The following MAN1A2 variants were observed in gnomAD, a reference collection of about 807,000 sequenced individuals.
MAN1A2 encodes mannosidase alpha class 1A member 2, also known as mannosyl-oligosaccharide 1,2-alpha-mannosidase IB.
In MAN1A2, 26 loss-of-function variants were observed where a neutral mutation model predicts 75.7. The observed-to-expected ratio is 0.34, with a 90% CI of 0.25 to 0.48. The LOEUF is 0.48. Ranked by LOEUF, MAN1A2 falls within the 20% of genes least tolerant of loss-of-function variation. MAN1A2 has a pLI of 0.99. For synonymous variants in MAN1A2, 247 were observed against 264.6 expected, an observed-to-expected ratio of 0.93 and a Z score of 0.65; for missense variants, 562 against 775.5, an observed-to-expected ratio of 0.72 and a Z score of 3.27.
chr1:117,398,126 G>C (rs1010599076), intron 1 of MAN1A2, among the ~76,000 whole-genome samples: 40 of 152,074 alleles, frequency 2.6e-4, no homozygotes, highest in African/African-American at 9.4e-4. Flanking sequence ...AATCAGATAG[G>C]GTCTCTGAAC....
At chr1:117,428,708 A>G (rs1002456026) in intron 5 of MAN1A2, among the ~76,000 whole-genome samples, 1 of 151,982 alleles carries the variant, frequency 6.6e-6, no homozygotes, top group Non-Finnish European at 1.5e-5. Flanking sequence ...CAAGTGTAGA[A>G]AGGTTTAAAT....
At chr1:117,442,822 A>G (rs1008443343) in intron 6 of MAN1A2, among the ~76,000 whole-genome samples, 4 of 151,910 alleles carry the variant, frequency 2.6e-5, no homozygotes, top group African/African-American at 9.7e-5. Flanking sequence ...CGGGGTTTTT[A>G]TTATAGCATC....
intron 12 of MAN1A2, among the ~76,000 whole-genome samples, chr1:117,509,980 T>G (rs1183743011): frequency 1.3e-5 from 2 of 151,752 alleles, no homozygotes; most frequent in African/African-American, 4.8e-5. Context: ...TCTCCATATA[T>G]AAGATTATAT....
intron 1 of MAN1A2, among the ~76,000 whole-genome samples, chr1:117,385,283 G>T (rs1223635513): frequency 6.6e-6 from 1 of 152,168 alleles, no homozygotes; most frequent in African/African-American, 2.4e-5. Context: ...CTCTTCACCT[G>T]TGCTGGAGGA....
chr1:117,456,908 T>A (rs1649599083), intron 6 of MAN1A2, among the ~76,000 whole-genome samples: 1 of 152,080 alleles, frequency 6.6e-6, no homozygotes, highest in Non-Finnish European at 1.5e-5. Flanking sequence ...AAACCATTAT[T>A]CCTACAAATG....
chr1:117,515,023 A>G (rs527641266), intron 12 of MAN1A2: 3 of 415,494 alleles, frequency 7.2e-6, no homozygotes, highest in East Asian at 1.2e-4. Flanking sequence ...AGTATATGAA[A>G]TGTATACTCT....
chr1:117,520,728 A>G (rs528615377), intron 12 of MAN1A2, among the ~76,000 whole-genome samples: 1 of 152,204 alleles, frequency 6.6e-6, no homozygotes, highest in South Asian at 2.1e-4. Context: ...GAATATTGTG[A>G]AAATGACCAT....
chr1:117,507,266 A>G (rs1486161918), intron 12 of MAN1A2, among the ~76,000 whole-genome samples: 2 of 151,626 alleles, frequency 1.3e-5, no homozygotes, highest in African/African-American at 4.8e-5. Context: ...GAGAGAATAG[A>G]ATAAAGTCTC....
At chr1:117,374,061 G>C (rs1316945039) in intron 1 of MAN1A2, among the ~76,000 whole-genome samples, 1 of 152,124 alleles carries the variant, frequency 6.6e-6, no homozygotes, top group Admixed American at 6.5e-5. Flanking sequence ...TGTGGGAGGT[G>C]GAGGTGGGAG....
chr1:117,442,391 T>A, intron 6 of MAN1A2, 66 bp downstream of exon 6: 1 of 999,378 alleles, frequency 1.0e-6, no homozygotes, highest in Non-Finnish European at 1.6e-6. Flanking sequence ...TAGAAATTTC[T>A]AATGAGTCAC....
At chr1:117,413,630 AG>A (rs1224822494) in intron 3 of MAN1A2, among the ~76,000 whole-genome samples, 1 of 151,986 alleles carries the variant, frequency 6.6e-6, no homozygotes, top group Non-Finnish European at 1.5e-5. Flanking sequence ...GGGTCTTTAA[AG>A]AAGTTCCTGG....
At chr1:117,466,022 A>C (rs1476021422) in intron 7 of MAN1A2, among the ~76,000 whole-genome samples, 3 of 152,172 alleles carry the variant, frequency 2.0e-5, no homozygotes, top group Non-Finnish European at 1.5e-5. Flanking sequence ...GATGTTTAAA[A>C]TAACTGATGT....
intron 1 of MAN1A2, among the ~76,000 whole-genome samples, chr1:117,385,562 G>C (rs184829235): frequency 6.6e-6 from 1 of 152,118 alleles, no homozygotes; most frequent in East Asian, 1.9e-4. Context: ...AAAGTTTTAT[G>C]TTCTGTATTG....
chr1:117,379,197 A>G (rs955904413), intron 1 of MAN1A2, among the ~76,000 whole-genome samples: 7 of 151,778 alleles, frequency 4.6e-5, no homozygotes, highest in Non-Finnish European at 8.8e-5. Context: ...ATTTTTCCGT[A>G]TGGGTATCTA....
Position 117,517,722 on chromosome 1 carries a change from A to C in MAN1A2, c.1794-5103A>C, listed in dbSNP as rs1042485571. 7.2e-4 allele frequency among the ~76,000 whole-genome samples: 109 copies of C among 152,218 alleles called. 1 individual carries two copies. Among genetic ancestry groups the C allele is most frequent in the African/African-American group, 2.6e-3 (108 of 41,564 alleles). ...AGAACACAAGAAGGTGGACCCCCAA[A>C]AAAACCCTTTTTTTGAAGAAATAAT... On this transcript the variant is annotated intron_variant, in intron 12 of 12. Transcript: ENST00000356554.
At chr1:117,449,786 A>G (rs1570753267) in intron 6 of MAN1A2, among the ~76,000 whole-genome samples, 1 of 152,344 alleles carries the variant, frequency 6.6e-6, no homozygotes, top group East Asian at 1.9e-4. Flanking sequence ...TGGTCTGTGT[A>G]GAAGGTGAAC....
chr1:117,416,923 G>T (rs1279735545), intron 4 of MAN1A2, among the ~76,000 whole-genome samples: 1 of 152,170 alleles, frequency 6.6e-6, no homozygotes, highest in Non-Finnish European at 1.5e-5. Flanking sequence ...TTGTGTGTCT[G>T]TATGTGTGAT....
Position 117,460,603 on chromosome 1 carries a change from C to T in MAN1A2, c.1065C>T (p.Tyr355=). 1 of 1,602,134 alleles carries T rather than the reference C, an allele frequency of 6.2e-7. No individual in the cohort carries two copies. The highest frequency in any genetic ancestry group is 8.5e-7 in the Non-Finnish European group (1 of 1,176,070). The part of the protein sequence containing the change: ...HLSYLTGDLT[Y]YKKVMHIRKL... ...GCTACTTGACAGGGGACCTGACTTACTACAAAAAGGTTTGTTTTCTTGCCT... is the reference window on the plus strand; with the variant it reads ...GCTACTTGACAGGGGACCTGACTTATTACAAAAAGGTTTGTTTTCTTGCCT... The change falls in exon 7 of 13, where the codon TAC becomes TAT. Residue 355 remains tyrosine (Y), a synonymous_variant. Coordinates refer to ENST00000356554, the MANE Select transcript of MAN1A2 (RefSeq NM_006699.5).
At chr1:117,497,978 G>A (rs1038206446) in intron 10 of MAN1A2, among the ~76,000 whole-genome samples, 14 of 151,868 alleles carry the variant, frequency 9.2e-5, no homozygotes, top group African/African-American at 3.1e-4. Context: ...ATTTATGCTA[G>A]TTCATAAATC....
Sources: gnomAD v4.1 joint callset for allele counts (sites outside exome capture counted in the v4.1 genomes callset) on GRCh38, gnomAD v4.1.1 for gene constraint, MANE v1.5 for transcripts, NCBI Gene and HGNC (gene_info 2026-07-23, HGNC 2026-07-21) for gene names.